The following TRPC4 variants were observed in gnomAD, a reference collection of about 807,000 sequenced individuals.
TRPC4 encodes short transient receptor potential channel 4.
Under a neutral mutation model 99.4 loss-of-function variants are expected in TRPC4, and 49 were observed. The observed-to-expected ratio is 0.49, with a 90% CI of 0.39 to 0.63. TRPC4 has a LOEUF of 0.63. TRPC4 is among the 20% of genes least tolerant of loss of function. The pLI is 0.00. For synonymous variants in TRPC4, 454 were observed against 425.9 expected (o/e 1.07, Z -0.81); for missense variants, 898 against 1,152.9 (o/e 0.78, Z 3.20).
chr13:37,743,686 T>C (rs544900526), intron 3 of TRPC4, among the ~76,000 whole-genome samples: 21 of 152,282 alleles, frequency 1.4e-4, no homozygotes, highest in African/African-American at 4.1e-4. Context: ...AATTAATGCA[T>C]GACCAAAGTG....
chr13:37,861,004 G>A lies in TRPC4; in HGVS notation c.-28+8591C>T, dbSNP rs549002929. ...AATTGAATTCCAGTGTATTTTATGA[G>A]TAGAGTCTCATTAATCACATTAAAT... On this transcript the variant is annotated intron_variant, in intron 1 of 10. Transcript: ENST00000379705. Among the ~76,000 whole-genome samples, 10 of 151,642 alleles carry A rather than the reference G, an allele frequency of 6.6e-5. No homozygotes were observed. In the East Asian group the frequency reaches 1.9e-3, roughly 29 times the overall value.
rs541767265 is a variant in TRPC4 at position 37,693,798 on chromosome 13, A to G, written c.898-1463T>C. Among the ~76,000 whole-genome samples the G allele has an allele frequency of 1.4e-4, 21 of 152,304 alleles. No individual in the cohort carries two copies. The East Asian group carries it at 4.1e-3, about 29-fold the overall frequency. The stretch of plus-strand genomic sequence containing the variant: ...CTACTCATCAATATATATAGTGGGC[A>G]AATAAATATGCAAACAATTGAATTA... On this transcript the variant is annotated intron_variant, in intron 3 of 10. Coordinates refer to ENST00000379705, the MANE Select transcript of TRPC4 (RefSeq NM_016179.4).
chr13:37,715,889 G>C (rs1019306128), intron 3 of TRPC4, among the ~76,000 whole-genome samples: 2 of 152,090 alleles, frequency 1.3e-5, no homozygotes, highest in Admixed American at 1.3e-4. Flanking sequence ...TTGCTTGCTA[G>C]GAATTATCCC....
chr13:37,808,281 G>T (rs1593789957), intron 1 of TRPC4, among the ~76,000 whole-genome samples: 1 of 152,008 alleles, frequency 6.6e-6, no homozygotes, highest in South Asian at 2.1e-4. Context: ...AGTCTTGGCA[G>T]GTCTGTTTCA....
chr13:37,802,700 G>C (rs934208144), intron 1 of TRPC4, among the ~76,000 whole-genome samples: 1 of 152,116 alleles, frequency 6.6e-6, no homozygotes, highest in Admixed American at 6.6e-5. Flanking sequence ...TACTCAAGAT[G>C]AGAGAAATTA....
chr13:37,698,521 C>T (rs1953996750), intron 3 of TRPC4, among the ~76,000 whole-genome samples: 1 of 151,914 alleles, frequency 6.6e-6, no homozygotes, highest in Admixed American at 6.6e-5. Context: ...TTCTATTTTC[C>T]TATTTTTTGC....
At chr13:37,791,163 G>A (rs372861199) in intron 1 of TRPC4, among the ~76,000 whole-genome samples, 13 of 152,094 alleles carry the variant, frequency 8.5e-5, no homozygotes, top group East Asian at 1.9e-4. Flanking sequence ...GGAGGCCTAG[G>A]TGGGCAGATC....
intron 2 of TRPC4, among the ~76,000 whole-genome samples, chr13:37,766,656 A>G (rs1382676716): frequency 1.3e-5 from 2 of 151,414 alleles, no homozygotes; most frequent in African/African-American, 2.4e-5. Context: ...CCTGGCTATT[A>G]TGATTGGCTA....
chr13:37,824,616 A>G (rs1406459512), intron 1 of TRPC4, among the ~76,000 whole-genome samples: 1 of 152,016 alleles, frequency 6.6e-6, no homozygotes, highest in African/African-American at 2.4e-5. Context: ...CATCCCAGGG[A>G]TGAAGCCCAC....
intron 3 of TRPC4, among the ~76,000 whole-genome samples, chr13:37,718,093 G>A (rs1183761503): frequency 6.6e-6 from 1 of 151,730 alleles, no homozygotes; most frequent in African/African-American, 2.4e-5. Flanking sequence ...CAGTATTCAG[G>A]GCAACCACAA....
intron 1 of TRPC4, among the ~76,000 whole-genome samples, chr13:37,816,072 A>T (rs987507086): frequency 1.3e-5 from 2 of 151,932 alleles, no homozygotes; most frequent in African/African-American, 4.8e-5. Flanking sequence ...AACAAAATAC[A>T]ACATATCAGA....
At chr13:37,656,781 C>T (rs538192898) in intron 6 of TRPC4, among the ~76,000 whole-genome samples, 44 of 152,210 alleles carry the variant, frequency 2.9e-4, no homozygotes, top group Non-Finnish European at 5.7e-4. Flanking sequence ...GATGAATAAG[C>T]CAGGCAATAA....
At chr13:37,828,139 G>T (rs1958303485) in intron 1 of TRPC4, among the ~76,000 whole-genome samples, 1 of 152,184 alleles carries the variant, frequency 6.6e-6, no homozygotes, top group African/African-American at 2.4e-5. Flanking sequence ...GCTGGCGCAT[G>T]GTGCGAGCAC....
chr13:37,636,987 T>TA lies in TRPC4; in HGVS notation c.2849_2850insT (p.Glu952ArgfsTer5). 1 of 1,613,798 alleles carries TA rather than the reference T, an allele frequency of 6.2e-7. No homozygotes were observed. The highest frequency in any genetic ancestry group is 8.5e-7 in the Non-Finnish European group (1 of 1,179,768). ...AGTCTATACTAGAGTCCTCTTCTTT[T>TA]GCATGTTTCTCCTTTGGTATTATAG... On this transcript the variant is annotated frameshift_variant, in exon 11 of 11. Transcript: ENST00000379705. LOFTEE classifies it high-confidence loss of function.
At chr13:37,809,179 G>A (rs1443993986) in intron 1 of TRPC4, among the ~76,000 whole-genome samples, 1 of 152,016 alleles carries the variant, frequency 6.6e-6, no homozygotes, top group Non-Finnish European at 1.5e-5. Context: ...TTGGAAATTA[G>A]GTCAATGTAG....
intron 2 of TRPC4, among the ~76,000 whole-genome samples, chr13:37,765,780 C>A (rs994940817): frequency 6.6e-6 from 1 of 151,244 alleles, no homozygotes; most frequent in African/African-American, 2.4e-5. Flanking sequence ...GCTTTATTGT[C>A]TTTTGCTGAT....
At chr13:37,734,794 G>A (rs1018369292) in intron 3 of TRPC4, among the ~76,000 whole-genome samples, 1 of 152,084 alleles carries the variant, frequency 6.6e-6, no homozygotes, top group Non-Finnish European at 1.5e-5. Context: ...TAACAACAAT[G>A]TCCATCATTT....
At chr13:37,838,728 T>A (rs568516765) in intron 1 of TRPC4, among the ~76,000 whole-genome samples, 1 of 152,312 alleles carries the variant, frequency 6.6e-6, no homozygotes, top group African/African-American at 2.4e-5. Flanking sequence ...TGTACCATAT[T>A]TTAGGTATAT....
At chr13:37,754,523 A>G (rs144227001) in intron 2 of TRPC4, among the ~76,000 whole-genome samples, 258 of 152,274 alleles carry the variant, frequency 1.7e-3, no homozygotes, top group African/African-American at 5.9e-3. Context: ...ATATACTCAC[A>G]TTGCTAAGAA....
Sources: gnomAD v4.1 joint callset for allele counts (sites outside exome capture counted in the v4.1 genomes callset) on GRCh38, gnomAD v4.1.1 for gene constraint, MANE v1.5 for transcripts, NCBI Gene and HGNC (gene_info 2026-07-23, HGNC 2026-07-21) for gene names.